Variants in ZNF257 observed in about 807,000 individuals in gnomAD.
ZNF257 encodes the protein zinc finger protein 257.
A neutral mutation model predicts 11.9 loss-of-function variants in ZNF257; 12 were observed. The ratio of observed to expected loss-of-function variants is 1.01; its 90% CI spans 0.65 to 1.63. The LOEUF (loss-of-function observed/expected upper bound fraction) is 1.63, where lower values mean the gene tolerates loss of function less well. ZNF257 is among the 40% of genes most tolerant of loss of function. The pLI is 0.00. For missense variants in ZNF257, 580 were observed against 665.5 expected, an observed-to-expected ratio of 0.87 and a Z score of 1.41; for synonymous variants, 183 against 222.7, an observed-to-expected ratio of 0.82 and a Z score of 1.59.
At position 22,073,510 on chromosome 19, in the gene ZNF257, C is replaced by T. The variant is rs1201123928; in HGVS notation, c.172C>T (p.Gln58Ter). 2.5e-6 allele frequency: 4 copies of T among 1,611,758 alleles called. No homozygotes were observed. In the Admixed American group the frequency reaches 6.7e-5, roughly 27 times the overall value. ...GCCAGACCTGATCACCTGTCTGGAG[C>T]AAGGAAAAGAGCCCTGTAATATGAA... ...SKPDLITCLE[Q>*]GKEPCNMKRH... is the part of the protein sequence containing the mutation. Residue 58 changes from glutamine to a stop codon, truncating the protein, a stop_gained, in exon 3 of 4, where the codon CAA becomes TAA. Coordinates refer to ENST00000594947, the MANE Select transcript of ZNF257 (RefSeq NM_033468.4). LOFTEE classifies it high-confidence loss of function.
intron 1 of ZNF257, among the ~76,000 whole-genome samples, chr19:22,069,129 C>T (rs1199329556): frequency 6.6e-6 from 1 of 152,118 alleles, no homozygotes; most frequent in African/African-American, 2.4e-5. Flanking sequence ...AACAGTTAAA[C>T]TAAATGCTTC....
chr19:22,055,680 C>G (rs10412953), intron 1 of ZNF257, among the ~76,000 whole-genome samples: 36,153 of 151,990 alleles, frequency 0.24, 5,850 homozygotes, highest in African/African-American at 0.46. Flanking sequence ...GGGAGAATCT[C>G]TCAAGCGATT....
intron 3 of ZNF257, among the ~76,000 whole-genome samples, 185 bp from the exon 4 acceptor site, chr19:22,087,792 C>CGG (rs2022508923): frequency 2.0e-5 from 3 of 152,014 alleles, no homozygotes; most frequent in African/African-American, 7.2e-5. Flanking sequence ...TATAAATTTT[C>CGG]CAAAAATGTG....
At chr19:22,084,484 A>G (rs1415627465) in intron 3 of ZNF257, among the ~76,000 whole-genome samples, 2 of 151,874 alleles carry the variant, frequency 1.3e-5, no homozygotes, top group Admixed American at 6.6e-5. Context: ...GTCTCTTGCA[A>G]TAGCACTCCT....
intron 3 of ZNF257, among the ~76,000 whole-genome samples, chr19:22,080,102 C>A (rs2022325365): frequency 1.3e-5 from 2 of 152,098 alleles, no homozygotes; most frequent in Non-Finnish European, 2.9e-5. Context: ...ACCTCAGCAT[C>A]CCTAGTAGCT....
At position 22,090,301 on chromosome 19, in the gene ZNF257, TTG is replaced by T. The variant is rs1209899019; in HGVS notation, c.*861_*862del. On this transcript the variant is annotated 3_prime_UTR_variant, in exon 4 of 4. Transcript: ENST00000594947. ...ATAAAGGGGTTTGTAGTGCTTTTACTTGTATCACAGATTTTATTGTACACATT... is the reference window on the plus strand; with the variant it reads ...ATAAAGGGGTTTGTAGTGCTTTTACTTATCACAGATTTTATTGTACACATT... 1.3e-5 allele frequency: 2 copies of T among 152,168 alleles called. No homozygotes were observed. The highest frequency in any genetic ancestry group is 2.4e-5 in the African/African-American group (1 of 41,426). 9.4% of individuals were successfully genotyped at this position (152,168 alleles called of 1,614,324 possible). A position where few individuals can be genotyped will look rare whatever the true frequency, so the allele number is the denominator to read the frequency against.
At chr19:22,065,351 C>A (rs2021916118) in intron 1 of ZNF257, among the ~76,000 whole-genome samples, 1 of 151,892 alleles carries the variant, frequency 6.6e-6, no homozygotes, top group Non-Finnish European at 1.5e-5. Flanking sequence ...AAGCACCCAC[C>A]ACCATGCACA....
chr19:22,061,127 A>T, intron 1 of ZNF257, among the ~76,000 whole-genome samples: 1 of 151,032 alleles, frequency 6.6e-6, no homozygotes, highest in African/African-American at 2.4e-5. Context: ...GTTCCATATG[A>T]ATTTTAAAAT....
Position 22,090,752 on chromosome 19 carries a change from AATG to A in ZNF257, c.*1314_*1316del, listed in dbSNP as rs1285775914. 1 of 152,172 alleles carries A rather than the reference AATG, an allele frequency of 6.6e-6. No homozygotes were observed. Among genetic ancestry groups the A allele is most frequent in the African/African-American group, 2.4e-5 (1 of 41,408 alleles). The allele number at this position is 152,172 out of a possible 1,614,324, so 9.4% of individuals were successfully genotyped here. On this transcript the variant is annotated 3_prime_UTR_variant, in exon 4 of 4. Coordinates refer to ENST00000594947, the MANE Select transcript of ZNF257 (RefSeq NM_033468.4). Reference sequence around the variant, plus strand: ...ATTATAAAGCTTTTTAAAAGTAAATAATGATGTAAGTCAACTCTCAAATTACTT... The same window carrying A: ...ATTATAAAGCTTTTTAAAAGTAAATAATGTAAGTCAACTCTCAAATTACTT...
At chr19:22,068,148 C>T (rs1370993879) in intron 1 of ZNF257, among the ~76,000 whole-genome samples, 6 of 147,630 alleles carry the variant, frequency 4.1e-5, no homozygotes, top group Non-Finnish European at 8.9e-5. Context: ...ATCCCACTCT[C>T]TGTCCCTCTT....
chr19:22,066,190 G>A (rs1192668230), intron 1 of ZNF257: 1 of 153,266 alleles, frequency 6.5e-6, no homozygotes, highest in African/African-American at 2.4e-5. Flanking sequence ...ATCCCGTGGT[G>A]TCTTTGAATG....
At chr19:22,075,279 T>TTA in intron 3 of ZNF257, 2 of 154,616 alleles carry the variant, frequency 1.3e-5, no homozygotes, top group Admixed American at 1.3e-4. Flanking sequence ...AGGGTCTGTA[T>TTA]ATAATGTACC....
At chr19:22,070,917 C>T (rs754549062) in intron 1 of ZNF257, among the ~76,000 whole-genome samples, 4 of 152,072 alleles carry the variant, frequency 2.6e-5, no homozygotes, top group African/African-American at 4.8e-5. Flanking sequence ...GGTTATAAGC[C>T]CAGACCTCTA....
Position 22,087,939 on chromosome 19 carries a change from T to C in ZNF257, c.227-38T>C, listed in dbSNP as rs1385817510. On this transcript the variant is annotated intron_variant, in intron 3 of 3. Coordinates refer to ENST00000594947, the MANE Select transcript of ZNF257 (RefSeq NM_033468.4). ...TTTGTAAAAAATATTTACCTGAGTC[T>C]AGTAAGTGGAGTAATTTGTTGTTTT... The C allele has an allele frequency of 3.4e-6, 5 of 1,450,444 alleles. No homozygotes were observed. The South Asian group carries it at 7.1e-5, about 21-fold the overall frequency. 89.8% of individuals were successfully genotyped at this position (1,450,444 alleles called of 1,614,324 possible).
intron 1 of ZNF257, chr19:22,066,218 G>C (rs1256690688): frequency 6.5e-6 from 1 of 153,096 alleles, no homozygotes; most frequent in Admixed American, 6.5e-5. Flanking sequence ...CTGTCACAGG[G>C]ATGACTCTTG....
At chr19:22,057,648 T>C (rs2021679689) in intron 1 of ZNF257, among the ~76,000 whole-genome samples, 1 of 152,188 alleles carries the variant, frequency 6.6e-6, no homozygotes, top group South Asian at 2.1e-4. Context: ...GCACTAACAA[T>C]AATATCTTTA....
rs1899873526 is a variant in ZNF257 at position 22,052,567 on chromosome 19, GCC to G, written c.-64_-63del. ...TTCTCCTAGGGGCCCAGCCTCTGTGGCCCTGTGACCTGCAGGTATTGGGAGAT... is the reference window on the plus strand; with the variant it reads ...TTCTCCTAGGGGCCCAGCCTCTGTGGCTGTGACCTGCAGGTATTGGGAGAT... On this transcript the variant is annotated 5_prime_UTR_variant, in exon 1 of 4. Coordinates refer to ENST00000594947, the MANE Select transcript of ZNF257 (RefSeq NM_033468.4). 1.3e-6 allele frequency: 2 copies of G among 1,585,698 alleles called. No homozygotes were observed. Among genetic ancestry groups the G allele is most frequent in the Admixed American group, 1.7e-5 (1 of 59,244 alleles).
At chr19:22,085,175 C>T (rs2022448865) in intron 3 of ZNF257, among the ~76,000 whole-genome samples, 1 of 152,036 alleles carries the variant, frequency 6.6e-6, no homozygotes, top group African/African-American at 2.4e-5. Context: ...GCCTCAGCCT[C>T]CCAAGTAGCT....
chr19:22,054,715 T>G (rs1348604016), intron 1 of ZNF257, among the ~76,000 whole-genome samples: 1 of 152,184 alleles, frequency 6.6e-6, no homozygotes, highest in African/African-American at 2.4e-5. Context: ...TCCTCTTTGC[T>G]TTTATCTTGT....
Sources: allele counts gnomAD v4.1 joint callset (sites outside exome capture counted in the v4.1 genomes callset), GRCh38; gene constraint gnomAD v4.1.1; transcripts MANE v1.5; gene names NCBI Gene and HGNC (gene_info 2026-07-23, HGNC 2026-07-21).